EYS: variants seen among roughly 807,000 people sequenced by gnomAD.
EYS encodes EGF-like photoreceptor maintenance factor, also known as protein eyes shut homolog.
EYS carries 250 observed loss-of-function variants against 282.1 expected under a neutral mutation model. The ratio of observed to expected loss-of-function variants is 0.89; its 90% confidence interval spans 0.80 to 0.98. The LOEUF is 0.98. Among genes scored for constraint, EYS ranks in the 50% least tolerant of loss-of-function variants. The pLI is 0.00. For synonymous variants in EYS, 1,355 were observed against 1,282.9 expected, an observed-to-expected ratio of 1.06 and a Z score of -1.20; for missense variants, 4,016 against 3,709.0, an observed-to-expected ratio of 1.08 and a Z score of -2.15.
chr6:65,211,578 C>T lies in EYS; in HGVS notation c.2023+84285G>A, dbSNP rs552512578. On this transcript the variant is annotated intron_variant, in intron 12 of 42. Coordinates refer to ENST00000503581, the MANE Select transcript of EYS (RefSeq NM_001142800.2). ...TATAGTCATCCAAAGTACTGACTTT[C>T]TAACTCTGATTTTCAACCAAATATT... Among the ~76,000 whole-genome samples, 107 of 152,086 alleles carry T rather than the reference C, an allele frequency of 7.0e-4. 2 individuals are homozygous for T. The highest frequency in any genetic ancestry group is 2.5e-3 in the African/African-American group (102 of 41,520).
rs398110200 is a variant in EYS, at chr6:65,295,857, A to AT, written c.2023+5_2023+6insA. On this transcript the variant is annotated splice_donor_region_variant and intron_variant, in intron 12 of 42. Transcript: ENST00000503581. ...AATTTAATTTATCAGGAAAAAAAAA[A>AT]CTTGCCTTTAAATCCTGGGACACAC... is the stretch of plus-strand genomic sequence containing the variant. 6.6e-7 allele frequency: 1 copy of AT among 1,526,246 alleles called. No individual in the cohort carries two copies. Among genetic ancestry groups the AT allele is most frequent in the Admixed American group, 2.3e-5 (1 of 44,234 alleles). The allele number at this position is 1,526,246 out of a possible 1,614,324, so 94.5% of individuals were successfully genotyped here.
intron 5 of EYS, among the ~76,000 whole-genome samples, chr6:65,438,879 T>C (rs1768192032): frequency 6.6e-6 from 1 of 152,212 alleles, no homozygotes; most frequent in Non-Finnish European, 1.5e-5. Context: ...TTTGTCAATT[T>C]TGGCTTTTGT....
chr6:64,071,309 A>C (rs1771565451), intron 32 of EYS, among the ~76,000 whole-genome samples: 1 of 152,052 alleles, frequency 6.6e-6, no homozygotes, highest in African/African-American at 2.4e-5. Flanking sequence ...CAATACTGTA[A>C]GTTGCAGAAA....
At chr6:65,435,018 T>C (rs980831707) in intron 5 of EYS, among the ~76,000 whole-genome samples, 9 of 151,896 alleles carry the variant, frequency 5.9e-5, no homozygotes, top group Non-Finnish European at 1.2e-4. Flanking sequence ...GTTAGTATAT[T>C]AAATAATTAA....
At chr6:64,545,190 T>C (rs979326282) in intron 26 of EYS, among the ~76,000 whole-genome samples, 1 of 152,266 alleles carries the variant, frequency 6.6e-6, no homozygotes, top group Admixed American at 6.5e-5. Context: ...GTGGGCTTCA[T>C]CCCTGGGATG....
intron 39 of EYS, among the ~76,000 whole-genome samples, chr6:63,785,342 C>T (rs1351793794): frequency 1.3e-5 from 2 of 152,186 alleles, no homozygotes; most frequent in African/African-American, 4.8e-5. Flanking sequence ...TTACTTGTTT[C>T]TTCCCCTTAT....
intron 26 of EYS, among the ~76,000 whole-genome samples, chr6:64,538,433 TA>T (rs1403041702): frequency 1.6e-4 from 25 of 152,340 alleles, no homozygotes; most frequent in African/African-American, 5.5e-4. Context: ...TATGCATATT[TA>T]GTCTTTTATA....
intron 30 of EYS, among the ~76,000 whole-genome samples, chr6:64,236,818 T>A (rs1012078629): frequency 1.3e-5 from 2 of 151,570 alleles, no homozygotes; most frequent in Admixed American, 6.6e-5. Context: ...ATACTTTAAG[T>A]TCTAGGGTAC....
intron 31 of EYS, among the ~76,000 whole-genome samples, chr6:64,101,786 G>A (rs1329789555): frequency 6.6e-6 from 1 of 151,942 alleles, no homozygotes; most frequent in East Asian, 1.9e-4. Context: ...ACATTGTGAT[G>A]TATAATGAAA....
chr6:64,349,578 C>T (rs1189632974), intron 29 of EYS, among the ~76,000 whole-genome samples: 1 of 151,192 alleles, frequency 6.6e-6, no homozygotes. Flanking sequence ...ATAGAATCTT[C>T]TATTTGATAC....
chr6:64,486,655 A>G lies in EYS; in HGVS notation c.5645-47303T>C, dbSNP rs186590133. 5.1e-4 allele frequency among the ~76,000 whole-genome samples: 77 copies of G among 151,516 alleles called. 1 individual carries two copies. Among genetic ancestry groups the G allele is most frequent in the African/African-American group, 1.7e-3 (72 of 41,486 alleles). On this transcript the variant is annotated intron_variant, in intron 26 of 42. Transcript: ENST00000503581. ...ATCCCTGGATCTGTTTCTAAGGAAA[A>G]CTATCCATGTGTTCCACATGATCAA...
intron 10 of EYS, among the ~76,000 whole-genome samples, chr6:65,338,294 CTCTCAGAAAAATTAGCAA>C (rs1188273692): frequency 6.7e-6 from 1 of 148,210 alleles, no homozygotes; most frequent in Non-Finnish European, 1.5e-5. Context: ...CATAAGAAGT[CTCTCAGAAAAATTAGCAA>C]GAGAGTAAAT....
At chr6:65,149,760 T>C (rs909817267) in intron 12 of EYS, among the ~76,000 whole-genome samples, 9 of 152,172 alleles carry the variant, frequency 5.9e-5, no homozygotes, top group African/African-American at 2.2e-4. Context: ...CATTTTTGGG[T>C]ATTTCTATAG....
At chr6:64,343,923 A>G (rs1312877339) in intron 29 of EYS, among the ~76,000 whole-genome samples, 1 of 152,124 alleles carries the variant, frequency 6.6e-6, no homozygotes, top group Non-Finnish European at 1.5e-5. Context: ...GAATACTATA[A>G]ACACCTCTAC....
At chr6:64,836,949 A>G (rs1248604997) in intron 19 of EYS, among the ~76,000 whole-genome samples, 1 of 151,678 alleles carries the variant, frequency 6.6e-6, no homozygotes, top group Admixed American at 6.6e-5. Context: ...GTATAGCCTC[A>G]TGATGAAAAG....
chr6:63,988,254 C>CT (rs1767456642), intron 34 of EYS, among the ~76,000 whole-genome samples: 1 of 151,614 alleles, frequency 6.6e-6, no homozygotes, highest in Non-Finnish European at 1.5e-5. Context: ...TCTCTGACAT[C>CT]TTTGTATATT....
intron 19 of EYS, among the ~76,000 whole-genome samples, chr6:64,851,805 G>A (rs4710502): frequency 0.058 from 8,805 of 152,042 alleles, 266 homozygotes; most frequent in East Asian, 0.1. Context: ...AGAGGGTGGA[G>A]GGTGGGAGAA....
chr6:64,120,920 C>T (rs1044696719), intron 31 of EYS, among the ~76,000 whole-genome samples: 7 of 152,120 alleles, frequency 4.6e-5, no homozygotes, highest in Non-Finnish European at 8.8e-5. Context: ...CAATCTACTT[C>T]CAAGCTCACT....
chr6:65,576,252 T>C (rs1162120049), intron 2 of EYS, among the ~76,000 whole-genome samples: 2 of 152,000 alleles, frequency 1.3e-5, no homozygotes, highest in Admixed American at 6.6e-5. Flanking sequence ...GGATTTATCC[T>C]TGGATGCAAG....
Sources: allele counts gnomAD v4.1 joint callset (sites outside exome capture counted in the v4.1 genomes callset), GRCh38; gene constraint gnomAD v4.1.1; transcripts MANE v1.5; gene names NCBI Gene and HGNC (gene_info 2026-07-23, HGNC 2026-07-21).